Variants in IFTAP observed in about 807,000 individuals in gnomAD.
The protein encoded by IFTAP is intraflagellar transport-associated protein.
IFTAP carries 19 observed loss-of-function variants against 19.4 expected under a neutral mutation model. That is an observed-to-expected ratio of 0.98 (90% CI 0.68 to 1.44). The LOEUF is 1.44. Among genes scored for constraint, IFTAP ranks in the 40% most tolerant of loss-of-function variants. The probability of loss-of-function intolerance (pLI) is 0.00; values close to 1 mark genes in which losing one functional copy is unlikely to be tolerated. For synonymous variants in IFTAP, 85 were observed against 83.5 expected, an observed-to-expected ratio of 1.02 and a Z score of -0.10; for missense variants, 240 against 253.6, an observed-to-expected ratio of 0.95 and a Z score of 0.36.
At chr11:36,606,246 G>A (rs1315472183) in intron 1 of IFTAP, among the ~76,000 whole-genome samples, 1 of 152,132 alleles carries the variant, frequency 6.6e-6, no homozygotes, top group Admixed American at 6.5e-5. Context: ...ATCACCTGAG[G>A]TCAGGAGTTC....
chr11:36,659,206 T>A lies in IFTAP; in HGVS notation c.*20T>A. 6.5e-7 allele frequency: 1 copy of A among 1,531,654 alleles called. No individual in the cohort carries two copies. Among genetic ancestry groups the A allele is most frequent in the Non-Finnish European group, 8.8e-7 (1 of 1,142,746 alleles). The allele number at this position is 1,531,654 out of a possible 1,614,324, so 94.9% of individuals were successfully genotyped here. ...GACTGATTCACAGAGGCATTTTGTGTGTGTGTGCTTATTTTAATTTTGTTC... is the reference window on the plus strand; with the variant it reads ...GACTGATTCACAGAGGCATTTTGTGAGTGTGTGCTTATTTTAATTTTGTTC... On this transcript the variant is annotated 3_prime_UTR_variant, in exon 6 of 6. Coordinates refer to ENST00000334307, the MANE Select transcript of IFTAP (RefSeq NM_138787.4).
intron 2 of IFTAP, among the ~76,000 whole-genome samples, chr11:36,632,493 T>A (rs1852764795): frequency 6.6e-6 from 1 of 151,124 alleles, no homozygotes; most frequent in Non-Finnish European, 1.5e-5. Flanking sequence ...TTCATTTTAT[T>A]TCCCCCACAT....
chr11:36,599,708 C>A (rs985713046), intron 1 of IFTAP, among the ~76,000 whole-genome samples: 2 of 152,022 alleles, frequency 1.3e-5, no homozygotes, highest in South Asian at 2.1e-4. Context: ...AAATGTCGAT[C>A]CATCCTTAAA....
At chr11:36,618,297 T>C (rs549712418) in intron 2 of IFTAP, among the ~76,000 whole-genome samples, 3 of 151,944 alleles carry the variant, frequency 2.0e-5, no homozygotes, top group Non-Finnish European at 4.4e-5. Context: ...TAGACTATGG[T>C]CCTAATCAGA....
chr11:36,657,880 A>G (rs1417126684), intron 5 of IFTAP, among the ~76,000 whole-genome samples: 3 of 152,322 alleles, frequency 2.0e-5, no homozygotes, highest in East Asian at 3.9e-4. Flanking sequence ...TAAACAGGAA[A>G]TGAACGCATC....
intron 1 of IFTAP, among the ~76,000 whole-genome samples, chr11:36,596,516 A>C (rs1851264514): frequency 6.6e-6 from 1 of 152,210 alleles, no homozygotes; most frequent in Admixed American, 6.5e-5. Context: ...AGCCTACATG[A>C]GGGAAGGCAT....
In IFTAP at chr11:36,598,172, T is replaced by C. The variant is rs547663028; in HGVS notation, c.-24+3580T>C. The C allele has an allele frequency of 3.3e-5, 5 of 152,172 alleles. No individual in the cohort carries two copies. In the South Asian group the frequency reaches 8.3e-4, roughly 25 times the overall value. 9.4% of individuals were successfully genotyped at this position (152,172 alleles called of 1,614,324 possible). A position where few individuals can be genotyped will look rare whatever the true frequency, so the allele number is the denominator to read the frequency against. On this transcript the variant is annotated intron_variant, in intron 1 of 5. Coordinates refer to ENST00000334307, the MANE Select transcript of IFTAP (RefSeq NM_138787.4). ...TAAACCAGGTATTAATTGTCAGCAC[T>C]TGGGGAAGATTCACTGACTGCCCAC...
chr11:36,629,773 G>A (rs1333974920), intron 2 of IFTAP, among the ~76,000 whole-genome samples: 1 of 151,114 alleles, frequency 6.6e-6, no homozygotes, highest in Non-Finnish European at 1.5e-5. Flanking sequence ...AGGGAGATCT[G>A]TTGGAAGCTT....
chr11:36,656,001 C>A (rs1215283816), intron 5 of IFTAP, among the ~76,000 whole-genome samples: 2 of 152,070 alleles, frequency 1.3e-5, no homozygotes, highest in Non-Finnish European at 2.9e-5. Flanking sequence ...TAAGATGTTT[C>A]TATTTTTAAG....
At chr11:36,645,594 G>GTA (rs201649964) in intron 4 of IFTAP, among the ~76,000 whole-genome samples, 2 of 151,774 alleles carry the variant, frequency 1.3e-5, no homozygotes, top group Admixed American at 6.6e-5. Flanking sequence ...GAGAATATGA[G>GTA]TATATATATA....
intron 4 of IFTAP, among the ~76,000 whole-genome samples, chr11:36,641,622 C>T (rs1853203685): frequency 6.6e-6 from 1 of 152,174 alleles, no homozygotes; most frequent in Non-Finnish European, 1.5e-5. Context: ...AGTTTGATTG[C>T]ACTGTGGTCA....
intron 4 of IFTAP, among the ~76,000 whole-genome samples, chr11:36,636,521 T>C (rs1852958500): frequency 6.6e-6 from 1 of 152,134 alleles, no homozygotes; most frequent in Non-Finnish European, 1.5e-5. Context: ...ATCACAAAAA[T>C]AAGGCTGTCT....
intron 1 of IFTAP, among the ~76,000 whole-genome samples, chr11:36,600,569 C>T (rs1342872272): frequency 2.0e-5 from 3 of 151,118 alleles, no homozygotes; most frequent in African/African-American, 4.9e-5. Context: ...AAAAATTGTC[C>T]TCCACGAAAC....
chr11:36,599,292 C>A (rs1020048906), intron 1 of IFTAP, among the ~76,000 whole-genome samples: 2 of 152,206 alleles, frequency 1.3e-5, no homozygotes, highest in African/African-American at 4.8e-5. Flanking sequence ...CCTCGCCCAG[C>A]CTATAATTTC....
At chr11:36,612,582 A>C (rs569653828) in intron 2 of IFTAP, among the ~76,000 whole-genome samples, 6 of 152,060 alleles carry the variant, frequency 3.9e-5, no homozygotes, top group African/African-American at 1.4e-4. Flanking sequence ...CAGGCCCTTC[A>C]TTTGTCTCAA....
At chr11:36,635,426 A>G (rs1393081888) in intron 3 of IFTAP, among the ~76,000 whole-genome samples, 3 of 152,182 alleles carry the variant, frequency 2.0e-5, no homozygotes, top group Non-Finnish European at 2.9e-5. Flanking sequence ...ATAGTTTTTC[A>G]TTGAAATGCT....
intron 2 of IFTAP, among the ~76,000 whole-genome samples, chr11:36,622,342 A>G (rs1852329866): frequency 6.6e-6 from 1 of 152,108 alleles, no homozygotes; most frequent in African/African-American, 2.4e-5. Context: ...TAGGTGAGTT[A>G]AAGAGGTTGC....
chr11:36,644,697 C>T (rs1324819703), intron 4 of IFTAP, among the ~76,000 whole-genome samples: 3 of 151,924 alleles, frequency 2.0e-5, no homozygotes, highest in Non-Finnish European at 4.4e-5. Context: ...ATGTCCTTTG[C>T]AGGGACATGG....
chr11:36,629,764 G>A (rs1247340418), intron 2 of IFTAP, among the ~76,000 whole-genome samples: 1 of 151,090 alleles, frequency 6.6e-6, no homozygotes, highest in Admixed American at 6.6e-5. Context: ...GGCCTTGTAA[G>A]GGAGATCTGT....
Sources: gnomAD v4.1 joint callset for allele counts (sites outside exome capture counted in the v4.1 genomes callset) on GRCh38, gnomAD v4.1.1 for gene constraint, MANE v1.5 for transcripts, NCBI Gene and HGNC (gene_info 2026-07-23, HGNC 2026-07-21) for gene names.